Variants in FREM1 observed in about 807,000 individuals in gnomAD.
FREM1 encodes FRAS1-related extracellular matrix protein 1.
In FREM1, 220 loss-of-function variants were observed where a neutral mutation model predicts 210.1. The observed-to-expected ratio is 1.05, with a 90% CI of 0.94 to 1.17. The LOEUF is 1.17. FREM1 is among the 50% of genes most tolerant of loss of function. FREM1 has a pLI of 0.00. For synonymous variants in FREM1, 1,189 were observed against 980.2 expected, an observed-to-expected ratio of 1.21 and a Z score of -3.98; for missense variants, 3,454 against 2,675.5, an observed-to-expected ratio of 1.29 and a Z score of -6.42.
chr9:14,853,732 G>T (rs1420099954), intron 5 of FREM1, among the ~76,000 whole-genome samples: 2 of 152,182 alleles, frequency 1.3e-5, no homozygotes, highest in Non-Finnish European at 2.9e-5. Context: ...CCCACTGCAT[G>T]GTTGATGAAG....
chr9:14,797,911 A>G (rs1852746318), intron 20 of FREM1, among the ~76,000 whole-genome samples: 1 of 152,244 alleles, frequency 6.6e-6, no homozygotes, highest in African/African-American at 2.4e-5. Flanking sequence ...CTATATAAAC[A>G]AAGGTGCAGG....
chr9:14,859,598 G>A, intron 3 of FREM1, 114 bp from the exon 4 acceptor site: 2 of 837,234 alleles, frequency 2.4e-6, no homozygotes, highest in South Asian at 1.8e-5. Flanking sequence ...GCCACAGATT[G>A]AGTTTGGATT....
At chr9:14,799,701 T>C (rs1853152139) in intron 20 of FREM1, among the ~76,000 whole-genome samples, 1 of 152,184 alleles carries the variant, frequency 6.6e-6, no homozygotes, top group African/African-American at 2.4e-5. Context: ...TTGTAGCATG[T>C]GGTTTATTGA....
intron 2 of FREM1, among the ~76,000 whole-genome samples, chr9:14,867,501 T>C (rs904951627): frequency 6.6e-6 from 1 of 152,190 alleles, no homozygotes; most frequent in African/African-American, 2.4e-5. Context: ...ATTTGGTTAC[T>C]ACCACATCAG....
chr9:14,766,994 A>C (rs2132417312), intron 27 of FREM1, among the ~76,000 whole-genome samples: 1 of 152,330 alleles, frequency 6.6e-6, no homozygotes, highest in Non-Finnish European at 1.5e-5. Context: ...CACAAGTTGC[A>C]TTTGTTAAGG....
intron 5 of FREM1, among the ~76,000 whole-genome samples, chr9:14,857,345 C>T (rs1393596377): frequency 6.6e-6 from 1 of 152,150 alleles, no homozygotes; most frequent in Non-Finnish European, 1.5e-5. Flanking sequence ...TAGAAGAGAA[C>T]CAGAGAAGGG....
Position 14,842,353 on chromosome 9 carries a change from A to C in FREM1, c.1701T>G (p.Ala567=), listed in dbSNP as rs747172536. The C allele has an allele frequency of 1.2e-6, 2 of 1,604,400 alleles. No individual in the cohort carries two copies. Among genetic ancestry groups the C allele is most frequent in the Admixed American group, 3.4e-5 (2 of 59,694 alleles). ...IFFNITKPPQ[A]GEIMKKPGPG... is the part of the protein sequence containing the mutation. ...GCCCTGGCTTCTTCATGATCTCCCC[A>C]GCCTGTGGAGGCTTTGTGATATTGA... Residue 567 remains alanine, a synonymous_variant, in exon 9 of 37, where the codon GCT becomes GCG. Coordinates refer to ENST00000380880, the MANE Select transcript of FREM1 (RefSeq NM_001379081.2).
chr9:14,851,579 A>C lies in FREM1; in HGVS notation c.857T>G (p.Ile286Ser). The C allele has an allele frequency of 6.2e-7, 1 of 1,613,896 alleles. No individual in the cohort carries two copies. The highest frequency in any genetic ancestry group is 8.5e-7 in the Non-Finnish European group (1 of 1,179,774). ...AATCTGATTCGGAATTCCAGCTCTG[A>C]TATAGACAGGCAGCCACGCACTCTC... ...KSESAWLPVYIRAGIPNQIPK... is the reference protein window; with the variant it reads ...KSESAWLPVYSRAGIPNQIPK... The change falls in exon 6 of 37, where the codon ATC becomes AGC. Residue 286 changes from isoleucine to serine, a missense_variant. Ile to Ser is a moderately radical substitution (Grantham distance 142). Transcript: ENST00000380880.
chr9:14,889,335 G>T (rs1034354631), intron 1 of FREM1, among the ~76,000 whole-genome samples: 1 of 152,194 alleles, frequency 6.6e-6, no homozygotes, highest in Non-Finnish European at 1.5e-5. Context: ...CATCTCCCAA[G>T]TGAAATGTAT....
At chr9:14,847,391 G>GAAAA (rs1437407351) in intron 7 of FREM1, among the ~76,000 whole-genome samples, 7 of 51,698 alleles carry the variant, frequency 1.4e-4, no homozygotes, top group Non-Finnish European at 2.5e-4. Context: ...AGGAGAGGGA[G>GAAAA]AGAGAAAAAG....
intron 36 of FREM1, 71 bp downstream of exon 36, chr9:14,740,078 A>G: frequency 1.1e-6 from 1 of 873,082 alleles, no homozygotes; most frequent in South Asian, 1.6e-5. Flanking sequence ...AGGAAGTAGC[A>G]GGGTGGTGGT....
chr9:14,837,301 G>A (rs548428635), intron 10 of FREM1, among the ~76,000 whole-genome samples: 72 of 152,214 alleles, frequency 4.7e-4, no homozygotes, highest in African/African-American at 1.7e-3. Flanking sequence ...CCTGGCTGGT[G>A]TCCACCATAC....
intron 25 of FREM1, among the ~76,000 whole-genome samples, chr9:14,775,418 G>A (rs1346169391): frequency 6.6e-6 from 1 of 152,052 alleles, no homozygotes; most frequent in African/African-American, 2.4e-5. Flanking sequence ...TTAAAAAATA[G>A]TTCTTGGCCA....
intron 24 of FREM1, among the ~76,000 whole-genome samples, chr9:14,778,678 A>AGGGAG (rs1563907671): frequency 1.1e-4 from 1 of 8,874 alleles, no homozygotes; most frequent in Non-Finnish European, 2.7e-4. Context: ...GAGGGAGGGG[A>AGGGAG]GGGAGGGAAG....
At chr9:14,897,590 ATTT>A (rs34932903) in intron 1 of FREM1, among the ~76,000 whole-genome samples, 5 of 146,292 alleles carry the variant, frequency 3.4e-5, no homozygotes, top group Admixed American at 6.8e-5. Flanking sequence ...TGTAATGATA[ATTT>A]TTTTTTTTTT....
chr9:14,762,013 A>G (rs1239862884), intron 27 of FREM1, among the ~76,000 whole-genome samples: 1 of 152,234 alleles, frequency 6.6e-6, no homozygotes, highest in East Asian at 1.9e-4. Context: ...CACAGTGTAC[A>G]TAGGGTTCAA....
chr9:14,892,999 G>C (rs1395104922), intron 1 of FREM1, among the ~76,000 whole-genome samples: 1 of 152,204 alleles, frequency 6.6e-6, no homozygotes. Flanking sequence ...GCTAAGCAGA[G>C]GGGCTAATGT....
chr9:14,860,826 C>CATATATATACAT (rs1554707561), intron 3 of FREM1, among the ~76,000 whole-genome samples: 1 of 83,704 alleles, frequency 1.2e-5, no homozygotes, highest in East Asian at 5.5e-4. Flanking sequence ...CACATATATA[C>CATATATATACAT]ATATATACGT....
chr9:14,762,825 C>T (rs1315324548), intron 27 of FREM1, among the ~76,000 whole-genome samples: 1 of 142,850 alleles, frequency 7.0e-6, no homozygotes, highest in East Asian at 2.1e-4. Flanking sequence ...ACTGTGATTG[C>T]TTAAACTGTA....
Sources: gnomAD v4.1 joint callset for allele counts (sites outside exome capture counted in the v4.1 genomes callset) on GRCh38, gnomAD v4.1.1 for gene constraint, MANE v1.5 for transcripts, NCBI Gene and HGNC (gene_info 2026-07-23, HGNC 2026-07-21) for gene names.